TMEM175: variants seen among roughly 807,000 people sequenced by gnomAD.
TMEM175 encodes the protein transmembrane protein 175.
Under a neutral mutation model 36.5 loss-of-function variants are expected in TMEM175, and 36 were observed. The ratio of observed to expected loss-of-function variants is 0.99; its 90% CI spans 0.76 to 1.30. TMEM175 has a LOEUF of 1.30. TMEM175 is among the 50% of genes most tolerant of loss of function. The probability of loss-of-function intolerance (pLI) is 0.00; values close to 1 mark genes in which losing one functional copy is unlikely to be tolerated. For synonymous variants in TMEM175, 339 were observed against 313.4 expected (o/e 1.08, Z -0.86); for missense variants, 705 against 692.8 (o/e 1.02, Z -0.20).
At chr4:933,744 G>A (rs1726416231) in intron 1 of TMEM175, among the ~76,000 whole-genome samples, 2 of 152,134 alleles carry the variant, frequency 1.3e-5, no homozygotes, top group South Asian at 4.1e-4. Context: ...GGATTCTAAA[G>A]CTCACATCAG....
intron 1 of TMEM175, among the ~76,000 whole-genome samples, chr4:936,942 T>G (rs1238035545): frequency 1.3e-5 from 2 of 151,274 alleles, no homozygotes; most frequent in African/African-American, 4.9e-5. Flanking sequence ...AGCGACACAG[T>G]AGGACTCTGT....
chr4:934,328 G>A (rs2152995511), intron 1 of TMEM175, among the ~76,000 whole-genome samples: 1 of 152,354 alleles, frequency 6.6e-6, no homozygotes, highest in Admixed American at 6.5e-5. Context: ...CAGTGAAGGA[G>A]GAAGAAAACC....
chr4:934,252 A>T (rs1726540840), intron 1 of TMEM175, among the ~76,000 whole-genome samples: 1 of 152,234 alleles, frequency 6.6e-6, no homozygotes, highest in Non-Finnish European at 1.5e-5. Flanking sequence ...ACCAACAGAG[A>T]TGGTGTACTA....
chr4:956,393 T>A lies in TMEM175; in HGVS notation c.842+503T>A, dbSNP rs770669463. ...CCGCGGCCTCATCTGCCTCTTCGTC[T>A]GTTAGAGCGCGCGTCTCGTCTCAGT... On this transcript the variant is annotated intron_variant, in intron 10 of 10. Transcript: ENST00000264771. The A allele has an allele frequency of 2.3e-5, 30 of 1,290,128 alleles. No homozygotes were observed. In the South Asian group the frequency reaches 3.7e-4, roughly 16 times the overall value. The allele number at this position is 1,290,128 out of a possible 1,614,324, so 79.9% of individuals were successfully genotyped here. A position where few individuals can be genotyped will look rare whatever the true frequency, so the allele number is the denominator to read the frequency against.
chr4:951,241 C>A lies in TMEM175; in HGVS notation c.325C>A (p.Leu109Ile). The change falls in exon 5 of 11, where the codon CTT becomes ATT. Residue 109 changes from leucine (L) to isoleucine (I), a missense_variant. Coordinates refer to ENST00000264771, the MANE Select transcript of TMEM175 (RefSeq NM_032326.4). ...AGTTGTTGGGAAAACAGACGACACA[C>A]TTGCCCTGCTCAACCTGGTGAGTAT... ...FQVVGKTDDT[L>I]ALLNLACMMT... 1 of 1,614,122 alleles carries A rather than the reference C, an allele frequency of 6.2e-7. No individual in the cohort carries two copies. Among genetic ancestry groups the A allele is most frequent in the Non-Finnish European group, 8.5e-7 (1 of 1,180,004 alleles).
In TMEM175 at chr4:958,343, C is replaced by T. The variant is rs368509864; in HGVS notation, c.1362C>T (p.Ala454=). The T allele has an allele frequency of 4.9e-5, 79 of 1,604,232 alleles. No homozygotes were observed. Among genetic ancestry groups the T allele is most frequent in the Admixed American group, 1.3e-4 (8 of 60,002 alleles). ...GCATCTTCCACCTCATGCAGATCGC[C>T]GTGCCCTGCGCCTTCCTGTTGCTGC... The part of the protein sequence containing the change: ...SVGIFHLMQI[A]VPCAFLLLRL... Residue 454 remains alanine, a synonymous_variant, in exon 11 of 11, where the codon GCC becomes GCT. Coordinates refer to ENST00000264771, the MANE Select transcript of TMEM175 (RefSeq NM_032326.4).
At position 958,177 on chromosome 4, in the gene TMEM175, TGCACCAGGCGGAGACGCTGCA is replaced by T. The variant is rs772017059; in HGVS notation, c.1199_1219del (p.His400_Gln406del). On this transcript the variant is annotated inframe_deletion, in exon 11 of 11. Coordinates refer to ENST00000264771, the MANE Select transcript of TMEM175 (RefSeq NM_032326.4). ...CTGGCCATGTGGACCACGGCGCTGC[TGCACCAGGCGGAGACGCTGCA>T]GCCCTCGGTGTGGTTTGGCGGCCGG... is the stretch of plus-strand genomic sequence containing the variant. 6 of 1,603,720 alleles carry T rather than the reference TGCACCAGGCGGAGACGCTGCA, an allele frequency of 3.7e-6. No homozygotes were observed. The highest frequency in any genetic ancestry group is 5.1e-6 in the Non-Finnish European group (6 of 1,179,138).
At chr4:954,369 G>A (rs1199643937) in intron 8 of TMEM175, among the ~76,000 whole-genome samples, 2 of 152,214 alleles carry the variant, frequency 1.3e-5, no homozygotes, top group Non-Finnish European at 2.9e-5. Flanking sequence ...GAGCCCCTGG[G>A]GATAAGACCA....
chr4:943,504 G>A (rs545933855), intron 1 of TMEM175, among the ~76,000 whole-genome samples: 3 of 152,112 alleles, frequency 2.0e-5, no homozygotes, highest in South Asian at 2.1e-4. Context: ...TGCCCGCCTC[G>A]GCCTCCCAAA....
intron 3 of TMEM175, chr4:948,755 T>C (rs1577417487): frequency 1.0e-6 from 1 of 1,000,304 alleles, no homozygotes; most frequent in African/African-American, 1.7e-5. Flanking sequence ...CATGACAGGG[T>C]CGTGCGGCCC....
At chr4:954,385 T>C (rs1264929812) in intron 8 of TMEM175, among the ~76,000 whole-genome samples, 1 of 152,230 alleles carries the variant, frequency 6.6e-6, no homozygotes, top group Non-Finnish European at 1.5e-5. Flanking sequence ...GACCAGTATC[T>C]GCTCATGGGG....
intron 6 of TMEM175, 156 bp downstream of exon 6, chr4:951,873 T>G: frequency 1.3e-6 from 1 of 794,722 alleles, no homozygotes; most frequent in South Asian, 1.7e-5. Flanking sequence ...GTTGGGCTGT[T>G]GGGGGCTTCT....
rs1726210979 is a variant in TMEM175, at chr4:932,943, G to C, written c.-32+403G>C. 6.6e-6 allele frequency among the ~76,000 whole-genome samples: 1 copy of C among 152,200 alleles called. No homozygotes were observed. The highest frequency in any genetic ancestry group is 1.5e-5 in the Non-Finnish European group (1 of 68,036). ...GACCAGTAGTGGGAGCCGTGGGCTA[G>C]AAAAACCTTCGTCCTGGGCAACCAC... On this transcript the variant is annotated intron_variant, in intron 1 of 10. Coordinates refer to ENST00000264771, the MANE Select transcript of TMEM175 (RefSeq NM_032326.4). The surrounding 1 kb of genome is among the most constrained non-coding windows in gnomAD (Gnocchi z 4.0).
intron 10 of TMEM175, chr4:956,739 C>T (rs1056586309): frequency 1.3e-4 from 41 of 321,256 alleles, no homozygotes; most frequent in Admixed American, 3.4e-4. Flanking sequence ...CCACCGTGCC[C>T]GGCCATCGTA....
At position 945,036 on chromosome 4, in the gene TMEM175, G is replaced by A. The variant is rs186516841; in HGVS notation, c.-31-2673G>A. Among the ~76,000 whole-genome samples, 28 of 150,346 alleles carry A rather than the reference G, an allele frequency of 1.9e-4. No homozygotes were observed. In the East Asian group the frequency reaches 4.5e-3, roughly 24 times the overall value. ...GAGGATCACTTGAGCCTAGGAGGTC[G>A]AGGCTGCAGTGAGCCGTGATTACGC... On this transcript the variant is annotated intron_variant, in intron 1 of 10. Coordinates refer to ENST00000264771, the MANE Select transcript of TMEM175 (RefSeq NM_032326.4).
At chr4:941,597 C>G in intron 1 of TMEM175, among the ~76,000 whole-genome samples, 1 of 151,846 alleles carries the variant, frequency 6.6e-6, no homozygotes, top group Admixed American at 6.5e-5. Context: ...TACCACCACA[C>G]CCAGCTAATT....
intron 10 of TMEM175, chr4:956,517 A>G (rs1484848912): frequency 2.5e-6 from 3 of 1,204,416 alleles, no homozygotes; most frequent in Non-Finnish European, 3.2e-6. Flanking sequence ...AGCTCAGCTC[A>G]CTGCAACCTC....
At chr4:942,033 A>C (rs1009485632) in intron 1 of TMEM175, among the ~76,000 whole-genome samples, 2 of 151,896 alleles carry the variant, frequency 1.3e-5, no homozygotes, top group African/African-American at 4.8e-5. Flanking sequence ...TATGTGTATT[A>C]ATTAGGTTGA....
chr4:948,563 C>T (rs536701904), intron 3 of TMEM175: 10 of 1,329,320 alleles, frequency 7.5e-6, no homozygotes, highest in East Asian at 9.4e-5. Flanking sequence ...ACGCGGCCAG[C>T]GCCCCGTCTC....
Sources: gnomAD v4.1 joint callset for allele counts (sites outside exome capture counted in the v4.1 genomes callset) on GRCh38, gnomAD v4.1.1 for gene constraint, Gnocchi (gnomAD v3.1) non-coding constraint, MANE v1.5 for transcripts, NCBI Gene and HGNC (gene_info 2026-07-23, HGNC 2026-07-21) for gene names.